BBS2: variants seen among roughly 807,000 people sequenced by gnomAD.
BBS2 encodes the protein BBSome complex member BBS2.
Under a neutral mutation model 83.0 loss-of-function variants are expected in BBS2, and 62 were observed. That is an observed-to-expected ratio of 0.75 (90% CI 0.61 to 0.92). The LOEUF is 0.92. Among genes scored for constraint, BBS2 ranks in the 40% least tolerant of loss-of-function variants. BBS2 has a pLI of 0.00. For missense variants in BBS2, 784 were observed against 901.0 expected (o/e 0.87, Z 1.66); for synonymous variants, 303 against 326.1 (o/e 0.93, Z 0.76).
rs1964303291 is a variant in BBS2 at position 56,502,468 on chromosome 16, G to GA, written c.941-13dup. 1 of 1,614,042 alleles carries GA rather than the reference G, an allele frequency of 6.2e-7. No homozygotes were observed. Among genetic ancestry groups the GA allele is most frequent in the Non-Finnish European group, 8.5e-7 (1 of 1,180,022 alleles). Reference sequence around the variant, plus strand: ...CAGGTAGCCCCGGACTGAACAGAAGGAAAAAACCGCAAGTATAACCAGGTA... The same window carrying GA: ...CAGGTAGCCCCGGACTGAACAGAAGGAAAAAAACCGCAAGTATAACCAGGTA... On this transcript the variant is annotated splice_polypyrimidine_tract_variant and intron_variant, in intron 8 of 16. Transcript: ENST00000245157.
chr16:56,481,638 G>A (rs575454432), downstream of BBS2, among the ~76,000 whole-genome samples: 20 of 152,294 alleles, frequency 1.3e-4, no homozygotes, highest in African/African-American at 4.8e-4. Context: ...CAGCTTTGCT[G>A]TAGCTTCTAG....
intron 15 of BBS2, 110 bp downstream of exon 15, chr16:56,496,856 TC>T: frequency 1.2e-6 from 1 of 861,770 alleles, no homozygotes; most frequent in Non-Finnish European, 2.0e-6. Context: ...CAAGTTATTT[TC>T]CAAAGTCACT....
chr16:56,472,610 A>T (rs1333325099), intron 17 of BBS2, among the ~76,000 whole-genome samples: 4 of 152,212 alleles, frequency 2.6e-5, no homozygotes, highest in African/African-American at 7.2e-5. Flanking sequence ...AAAAATAAAA[A>T]TACGTCAATT....
chr16:56,490,691 A>G (rs1432688358), intron 15 of BBS2, among the ~76,000 whole-genome samples: 2 of 152,238 alleles, frequency 1.3e-5, no homozygotes, highest in Middle Eastern at 3.4e-3. Context: ...TTCTTAATGT[A>G]GTCAAATTTT....
intron 15 of BBS2, among the ~76,000 whole-genome samples, chr16:56,488,918 A>G (rs910747156): frequency 2.6e-4 from 40 of 152,208 alleles, no homozygotes; most frequent in Non-Finnish European, 5.1e-4. Context: ...TTGAAGATCA[A>G]ATATGTATTT....
In BBS2 at chr16:56,503,833, C is replaced by T. The variant is rs182635379; in HGVS notation, c.805-1025G>A. On this transcript the variant is annotated intron_variant, in intron 7 of 16. Transcript: ENST00000245157. ...ACTAGGGAGGCTGAGGCAGGAGAAT[C>T]GCTTGAACCCGGGAGGCGGAGGTTG... Among the ~76,000 whole-genome samples, 468 of 151,782 alleles carry T rather than the reference C, an allele frequency of 3.1e-3. 13 individuals carry two copies. In the South Asian group the frequency reaches 0.056, roughly 18 times the overall value.
At position 56,485,684 on chromosome 16, in the gene BBS2, T is replaced by C; in HGVS notation, c.1965A>G (p.Leu655=). 3 of 1,614,028 alleles carry C rather than the reference T, an allele frequency of 1.9e-6. No homozygotes were observed. The highest frequency in any genetic ancestry group is 2.5e-6 in the Non-Finnish European group (3 of 1,179,870). Residue 655 remains leucine (L), a synonymous_variant, in exon 16 of 17, where the codon CTA becomes CTG. Coordinates refer to ENST00000245157, the MANE Select transcript of BBS2 (RefSeq NM_031885.5). ...MELYDLNRDL[L]NGYKIRCNNH... ...TGTTACAGCGAATTTTATATCCATT[T>C]AGCAAGTCTCTATTAAGGTCATAGA...
At chr16:56,492,490 G>C (rs1351708030) in intron 15 of BBS2, among the ~76,000 whole-genome samples, 1 of 152,134 alleles carries the variant, frequency 6.6e-6, no homozygotes, top group African/African-American at 2.4e-5. Context: ...AATGATAGTT[G>C]AAAGAGGGGA....
Position 56,498,523 on chromosome 16 carries a change from G to A in BBS2, c.1573C>T (p.His525Tyr). 1 of 1,614,078 alleles carries A rather than the reference G, an allele frequency of 6.2e-7. No homozygotes were observed. The highest frequency in any genetic ancestry group is 1.1e-5 in the South Asian group (1 of 91,084). Residue 525 changes from histidine to tyrosine, a missense_variant, in exon 13 of 17, where the codon CAC becomes TAC. His to Tyr is a moderately conservative substitution (Grantham distance 83). Coordinates refer to ENST00000245157, the MANE Select transcript of BBS2 (RefSeq NM_031885.5). ...ACTTGAAATGGAGCATTCTGAATGT[G>A]AGTGTCTTCTGGTAACAGAAAGTTC... ...GQNFLLPEDT[H>Y]IQNAPFQVCF...
chr16:56,512,477 G>A (rs888069358), intron 2 of BBS2, among the ~76,000 whole-genome samples: 1 of 152,132 alleles, frequency 6.6e-6, no homozygotes, highest in African/African-American at 2.4e-5. Flanking sequence ...ATCACCAAGA[G>A]AGTGGATAAA....
chr16:56,510,894 C>T lies in BBS2; in HGVS notation c.499G>A (p.Ala167Thr). Residue 167 changes from alanine to threonine, a missense_variant, in exon 4 of 17, where the codon GCC becomes ACC. Ala to Thr is a moderately conservative substitution (Grantham distance 58). Coordinates refer to ENST00000245157, the MANE Select transcript of BBS2 (RefSeq NM_031885.5). ...TVTGDNVNSLALCDFDGDGKK... is the reference protein window; with the variant it reads ...TVTGDNVNSLTLCDFDGDGKK... ...CCATCACCATCAAAGTCACACAAGG[C>T]CAAGGAATTAACATTGTCTCCAGTA... 2 of 1,614,108 alleles carry T rather than the reference C, an allele frequency of 1.2e-6. No homozygotes were observed. The highest frequency in any genetic ancestry group is 1.7e-6 in the Non-Finnish European group (2 of 1,180,018).
chr16:56,499,714 A>C (rs771491579), intron 12 of BBS2, 64 bp downstream of exon 12: 2 of 1,603,820 alleles, frequency 1.2e-6, no homozygotes, highest in Non-Finnish European at 1.7e-6. Context: ...TTCCCTTTCT[A>C]TGAAATAACA....
intron 7 of BBS2, among the ~76,000 whole-genome samples, chr16:56,505,745 T>C (rs1964403612): frequency 6.6e-6 from 1 of 152,186 alleles, no homozygotes; most frequent in Non-Finnish European, 1.5e-5. Context: ...CAAACACCGC[T>C]TATAAGACTT....
chr16:56,472,404 T>A (rs1963241175), intron 17 of BBS2, among the ~76,000 whole-genome samples: 1 of 152,130 alleles, frequency 6.6e-6, no homozygotes, highest in Non-Finnish European at 1.5e-5. Flanking sequence ...GGGCCTTGGG[T>A]GAAAGCAGAG....
At chr16:56,471,201 A>G (rs1447882927) in intron 17 of BBS2, among the ~76,000 whole-genome samples, 1 of 151,452 alleles carries the variant, frequency 6.6e-6, no homozygotes, top group Non-Finnish European at 1.5e-5. Flanking sequence ...AAAATACAAA[A>G]AAAAAAAAAA....
chr16:56,519,219 T>C (rs1376780363), intron 1 of BBS2, among the ~76,000 whole-genome samples: 1 of 150,358 alleles, frequency 6.7e-6, no homozygotes, highest in Non-Finnish European at 1.5e-5. Context: ...TAATCTCAGA[T>C]ACTCGGGAGG....
intron 1 of BBS2, among the ~76,000 whole-genome samples, chr16:56,517,568 T>C (rs1964786788): frequency 6.6e-6 from 1 of 152,242 alleles, no homozygotes. Context: ...CCTTATTCTT[T>C]TTCTCCTATG....
intron 1 of BBS2, 82 bp downstream of exon 1, chr16:56,519,664 G>C (rs1267061296): frequency 8.6e-7 from 1 of 1,157,370 alleles, no homozygotes; most frequent in Non-Finnish European, 1.3e-6. Flanking sequence ...GGGTCGGAGA[G>C]GGGACGGGAT....
At chr16:56,515,169 C>T (rs1364158214) in intron 1 of BBS2, among the ~76,000 whole-genome samples, 1 of 152,104 alleles carries the variant, frequency 6.6e-6, no homozygotes, top group African/African-American at 2.4e-5. Flanking sequence ...AAACTTAAAC[C>T]GAGTCATGCA....
Sources: allele counts gnomAD v4.1 joint callset (sites outside exome capture counted in the v4.1 genomes callset), GRCh38; gene constraint gnomAD v4.1.1; transcripts MANE v1.5; gene names NCBI Gene and HGNC (gene_info 2026-07-23, HGNC 2026-07-21).